Variants in SOX6 observed in about 807,000 individuals in gnomAD.
SOX6 encodes the protein transcription factor SOX-6.
A neutral mutation model predicts 97.8 loss-of-function variants in SOX6; 11 were observed. The ratio of observed to expected loss-of-function variants is 0.11; its 90% CI spans 0.07 to 0.19. The LOEUF is 0.19. Ranked by LOEUF, SOX6 falls within the 10% of genes least tolerant of loss-of-function variation. SOX6 has a pLI of 1.00. For synonymous variants in SOX6, 360 were observed against 371.4 expected (o/e 0.97, Z 0.35); for missense variants, 810 against 1,039.5 (o/e 0.78, Z 3.04).
chr11:16,434,985 T>C (rs1342808168), intron 1 of SOX6, among the ~76,000 whole-genome samples: 1 of 152,154 alleles, frequency 6.6e-6, no homozygotes, highest in East Asian at 1.9e-4. Context: ...ATACAACTAT[T>C]ACGCAGCCTC....
chr11:16,730,275 C>G (rs770420298), intron 2 of SOX6, among the ~76,000 whole-genome samples: 1 of 152,204 alleles, frequency 6.6e-6, no homozygotes, highest in Non-Finnish European at 1.5e-5. Flanking sequence ...CTCTCCACCC[C>G]AAATCAACAG....
intron 4 of SOX6, among the ~76,000 whole-genome samples, chr11:16,556,728 A>T (rs978779737): frequency 6.6e-6 from 1 of 151,786 alleles, no homozygotes; most frequent in African/African-American, 2.4e-5. Flanking sequence ...CTAATATTTA[A>T]ACATTATTGT....
At chr11:16,532,984 T>C (rs963600311) in intron 4 of SOX6, among the ~76,000 whole-genome samples, 1 of 151,892 alleles carries the variant, frequency 6.6e-6, no homozygotes, top group African/African-American at 2.4e-5. Context: ...AGAGAATGTT[T>C]CATCATGTTC....
At chr11:16,006,950 T>C (rs898058050) in intron 13 of SOX6, among the ~76,000 whole-genome samples, 8 of 152,024 alleles carry the variant, frequency 5.3e-5, no homozygotes, top group African/African-American at 1.9e-4. Context: ...TCCTGGTTCC[T>C]AGCACCGGAG....
At chr11:16,654,232 C>T (rs142997367) in intron 3 of SOX6, among the ~76,000 whole-genome samples, 384 of 152,236 alleles carry the variant, frequency 2.5e-3, no homozygotes, top group Middle Eastern at 0.014. Context: ...GTCATCTTGG[C>T]TCAACATATC....
intron 9 of SOX6, among the ~76,000 whole-genome samples, chr11:16,059,074 G>T (rs1378469019): frequency 6.6e-6 from 1 of 151,982 alleles, no homozygotes; most frequent in Non-Finnish European, 1.5e-5. Context: ...CTAAAGCTTA[G>T]GTATCAGCTT....
intron 1 of SOX6, among the ~76,000 whole-genome samples, chr11:16,391,645 T>C (rs1858185655): frequency 1.3e-5 from 2 of 151,714 alleles, no homozygotes; most frequent in South Asian, 2.1e-4. Flanking sequence ...AGCCTTCAGA[T>C]TGGGAATTAA....
chr11:16,419,951 T>A (rs1858994207), intron 1 of SOX6, among the ~76,000 whole-genome samples: 1 of 152,200 alleles, frequency 6.6e-6, no homozygotes, highest in Non-Finnish European at 1.5e-5. Context: ...GGTGACAGAA[T>A]GGATTTTTAA....
intron 3 of SOX6, among the ~76,000 whole-genome samples, chr11:16,688,284 T>C (rs1847984436): frequency 1.3e-5 from 2 of 152,230 alleles, no homozygotes; most frequent in Admixed American, 1.3e-4. Flanking sequence ...TAAATTTTTA[T>C]TATAATGAGT....
At chr11:16,238,018 A>T (rs911714600) in intron 3 of SOX6, among the ~76,000 whole-genome samples, 1 of 151,994 alleles carries the variant, frequency 6.6e-6, no homozygotes, top group African/African-American at 2.4e-5. Flanking sequence ...CATTATGCTA[A>T]AGTCGTATTG....
intron 4 of SOX6, among the ~76,000 whole-genome samples, chr11:16,526,034 T>C (rs1424480182): frequency 1.3e-5 from 2 of 152,222 alleles, no homozygotes; most frequent in East Asian, 1.9e-4. Flanking sequence ...ACACTGTTGG[T>C]GGGACTGTAA....
intron 9 of SOX6, among the ~76,000 whole-genome samples, chr11:16,059,064 C>T (rs984891804): frequency 1.2e-4 from 18 of 152,056 alleles, no homozygotes; most frequent in African/African-American, 4.3e-4. Flanking sequence ...CTTTACACTC[C>T]TAAAGCTTAG....
intron 3 of SOX6, among the ~76,000 whole-genome samples, chr11:16,246,905 T>G (rs1565045261): frequency 6.6e-6 from 1 of 152,188 alleles, no homozygotes; most frequent in Non-Finnish European, 1.5e-5. Flanking sequence ...CATTTCTTTG[T>G]GTTAGAAACA....
intron 1 of SOX6, among the ~76,000 whole-genome samples, chr11:16,454,671 G>A (rs1217199563): frequency 1.3e-5 from 2 of 152,036 alleles, no homozygotes; most frequent in Admixed American, 6.6e-5. Flanking sequence ...ATTGCTAACA[G>A]AAATGTAGTG....
intron 4 of SOX6, among the ~76,000 whole-genome samples, chr11:16,489,382 A>T (rs532014712): frequency 7.2e-5 from 11 of 152,270 alleles, no homozygotes; most frequent in African/African-American, 2.6e-4. Flanking sequence ...AATAAGGGAA[A>T]GTTTAAAATA....
At chr11:16,499,831 C>CA in intron 4 of SOX6, among the ~76,000 whole-genome samples, 1 of 152,072 alleles carries the variant, frequency 6.6e-6, no homozygotes, top group Non-Finnish European at 1.5e-5. Flanking sequence ...GCTTACCAAC[C>CA]AAAAAAAGTC....
chr11:16,106,575 C>G (rs770461435), intron 7 of SOX6, among the ~76,000 whole-genome samples: 11 of 151,902 alleles, frequency 7.2e-5, no homozygotes, highest in Non-Finnish European at 1.6e-4. Flanking sequence ...TTACCTTACA[C>G]AGTATACAAA....
chr11:16,682,884 G>A (rs940710914), intron 3 of SOX6, among the ~76,000 whole-genome samples: 2 of 152,190 alleles, frequency 1.3e-5, no homozygotes, highest in Admixed American at 6.5e-5. Context: ...AGCAACTTCA[G>A]CAAAGTCTCA....
Position 16,595,734 on chromosome 11 carries a change from G to A in SOX6, n.609+16347C>T, listed in dbSNP as rs189338855. Among the ~76,000 whole-genome samples, 254 of 151,900 alleles carry A rather than the reference G, an allele frequency of 1.7e-3. 1 individual carries two copies. Among genetic ancestry groups the A allele is most frequent in the South Asian group, 4.4e-3 (21 of 4,812 alleles). On this transcript the variant is annotated intron_variant and non_coding_transcript_variant, in intron 4 of 5. Transcript: ENST00000524520. ...TGCAATGAGCCATGATTGTACCACC[G>A]TTCTCCAGCATGGACAACAGAGCAA...
Sources: allele counts gnomAD v4.1 joint callset (sites outside exome capture counted in the v4.1 genomes callset), GRCh38; gene constraint gnomAD v4.1.1; transcripts MANE v1.5; gene names NCBI Gene and HGNC (gene_info 2026-07-23, HGNC 2026-07-21).